FANCL: variants seen among roughly 807,000 people sequenced by gnomAD.
FANCL encodes the protein FA complementation group L.
A neutral mutation model predicts 59.4 loss-of-function variants in FANCL; 69 were observed. The observed-to-expected ratio is 1.16, with a 90% CI of 0.96 to 1.42. FANCL has a LOEUF of 1.42. FANCL is among the 40% of genes most tolerant of loss of function. FANCL has a pLI of 0.00. For missense variants in FANCL, 519 were observed against 447.2 expected (o/e 1.16, Z -1.45); for synonymous variants, 180 against 147.1 (o/e 1.22, Z -1.62).
At chr2:58,159,895 G>A in intron 13 of FANCL, 95 bp from the exon 14 acceptor site, 1 of 1,564,160 alleles carries the variant, frequency 6.4e-7, no homozygotes, top group Non-Finnish European at 8.6e-7. Context: ...TAGTGTCATA[G>A]TACAGTTTGG....
chr2:58,166,452 A>G (rs1364053016), intron 7 of FANCL, among the ~76,000 whole-genome samples: 1 of 152,214 alleles, frequency 6.6e-6, no homozygotes, highest in East Asian at 1.9e-4. Context: ...CTTTTAGCCA[A>G]TCTCTGAATT....
intron 4 of FANCL, among the ~76,000 whole-genome samples, chr2:58,225,678 A>G (rs1476752163): frequency 6.6e-6 from 1 of 152,088 alleles, no homozygotes; most frequent in Non-Finnish European, 1.5e-5. Flanking sequence ...AAATCTGCTG[A>G]AGCCTCTAGA....
At chr2:58,241,351 C>G, upstream of FANCL, 3 of 1,594,338 alleles carry the variant, frequency 1.9e-6, no homozygotes, top group East Asian at 2.2e-5. Context: ...AGCTCTAGAC[C>G]TGCTGGGTCC....
chr2:58,219,034 CCACT>C (rs1199770996), intron 5 of FANCL, among the ~76,000 whole-genome samples: 1 of 147,798 alleles, frequency 6.8e-6, no homozygotes, highest in Non-Finnish European at 1.5e-5. Context: ...GTTTCTAATA[CCACT>C]CACAAATAAA....
chr2:58,179,822 T>C (rs1687742850), intron 7 of FANCL, among the ~76,000 whole-genome samples: 2 of 152,116 alleles, frequency 1.3e-5, no homozygotes, highest in Admixed American at 6.6e-5. Context: ...ATTTCTGCAA[T>C]CTATCCATCT....
Position 58,170,548 on chromosome 2 carries a change from C to T in FANCL, c.541-4674G>A, listed in dbSNP as rs145289000. Among the ~76,000 whole-genome samples, 449 of 152,004 alleles carry T rather than the reference C, an allele frequency of 3.0e-3. 1 individual carries two copies. The highest frequency in any genetic ancestry group is 0.01 in the African/African-American group (426 of 41,466). ...CACATAAATGTAAACGAGCTAAATC[C>T]CCCAATTAAAAGACACAGACTGGCA... On this transcript the variant is annotated intron_variant, in intron 7 of 13. Transcript: ENST00000233741.
intron 5 of FANCL, among the ~76,000 whole-genome samples, chr2:58,207,656 C>T (rs541276085): frequency 6.6e-6 from 1 of 151,954 alleles, no homozygotes; most frequent in South Asian, 2.1e-4. Context: ...CTATTTGTAT[C>T]AATTTATGAC....
chr2:58,203,809 A>T (rs1008011777), intron 6 of FANCL, among the ~76,000 whole-genome samples: 1 of 152,088 alleles, frequency 6.6e-6, no homozygotes, highest in Non-Finnish European at 1.5e-5. Context: ...GGGATAGTGG[A>T]AGTGTCCACT....
At chr2:58,232,433 G>C (rs557813544) in intron 1 of FANCL, among the ~76,000 whole-genome samples, 1 of 151,990 alleles carries the variant, frequency 6.6e-6, no homozygotes, top group South Asian at 2.1e-4. Context: ...AGAAATTTCA[G>C]TGTTATTTCT....
intron 5 of FANCL, among the ~76,000 whole-genome samples, chr2:58,219,795 A>T (rs968835028): frequency 6.6e-6 from 1 of 152,162 alleles, no homozygotes; most frequent in Non-Finnish European, 1.5e-5. Flanking sequence ...CACATTATTC[A>T]TTAAGTGGCA....
chr2:58,163,208 T>C (rs1387450793), intron 9 of FANCL, 134 bp from the exon 10 acceptor site: 3 of 826,936 alleles, frequency 3.6e-6, no homozygotes, highest in Non-Finnish European at 3.9e-6. Context: ...AAAAACAAAA[T>C]TATACAGTTC....
intron 8 of FANCL, among the ~76,000 whole-genome samples, chr2:58,164,212 G>C (rs967028253): frequency 6.6e-6 from 1 of 151,914 alleles, no homozygotes; most frequent in Non-Finnish European, 1.5e-5. Flanking sequence ...TTTTTTGAAG[G>C]TACATAGTGT....
chr2:58,169,476 CA>C (rs1686314665), intron 7 of FANCL, among the ~76,000 whole-genome samples: 1 of 151,924 alleles, frequency 6.6e-6, no homozygotes, highest in Non-Finnish European at 1.5e-5. Context: ...AGGAAAATTC[CA>C]AAAACCAGAA....
chr2:58,238,327 G>A (rs918989530), intron 1 of FANCL, among the ~76,000 whole-genome samples: 2 of 152,164 alleles, frequency 1.3e-5, no homozygotes, highest in Non-Finnish European at 2.9e-5. Flanking sequence ...GAGAGATTTT[G>A]ATCAAGAACT....
At chr2:58,234,145 C>CA (rs772415015) in intron 1 of FANCL, among the ~76,000 whole-genome samples, 1 of 151,814 alleles carries the variant, frequency 6.6e-6, no homozygotes, top group Non-Finnish European at 1.5e-5. Flanking sequence ...GACAAAGAAA[C>CA]AAAAAGAGAC....
rs373493158 is a variant in FANCL, at chr2:58,204,119, G to A, written c.471+11C>T. 1.4e-5 allele frequency: 22 copies of A among 1,591,510 alleles called. No homozygotes were observed. Among genetic ancestry groups the A allele is most frequent in the African/African-American group, 8.1e-5 (6 of 74,464 alleles). The stretch of plus-strand genomic sequence containing the variant: ...TTTCTGATCACAATAACAGTTTAAC[G>A]AGGCACATACCTTTGCCTTCAACTT... On this transcript the variant is annotated intron_variant, in intron 6 of 13. Coordinates refer to ENST00000233741, the MANE Select transcript of FANCL (RefSeq NM_018062.4).
intron 11 of FANCL, among the ~76,000 whole-genome samples, chr2:58,162,621 G>A (rs1183939827): frequency 6.6e-6 from 1 of 151,876 alleles, no homozygotes; most frequent in African/African-American, 2.4e-5. Context: ...CAGGGTAACT[G>A]TGGAACTTTA....
chr2:58,223,172 G>A (rs899935504), intron 4 of FANCL, among the ~76,000 whole-genome samples: 10 of 150,424 alleles, frequency 6.6e-5, no homozygotes, highest in African/African-American at 1.9e-4. Context: ...AAACAGATCC[G>A]TACAGCTGAG....
intron 5 of FANCL, among the ~76,000 whole-genome samples, chr2:58,214,906 T>C (rs1457024003): frequency 6.6e-6 from 1 of 152,178 alleles, no homozygotes; most frequent in Non-Finnish European, 1.5e-5. Flanking sequence ...AAATGAGTGA[T>C]TCAAAAATCT....
Sources: allele counts gnomAD v4.1 joint callset (sites outside exome capture counted in the v4.1 genomes callset), GRCh38; gene constraint gnomAD v4.1.1; transcripts MANE v1.5; gene names NCBI Gene and HGNC (gene_info 2026-07-23, HGNC 2026-07-21).